The following APBB1 variants were observed in gnomAD, a reference collection of about 807,000 sequenced individuals.
The protein encoded by APBB1 is adaptor protein FE65a2.
In APBB1, 22 loss-of-function variants were observed where a neutral mutation model predicts 78.4. The observed-to-expected ratio is 0.28, with a 90% CI of 0.20 to 0.40. APBB1 has a LOEUF of 0.40. Ranked by LOEUF, APBB1 falls within the 10% of genes least tolerant of loss-of-function variation. APBB1 has a pLI of 1.00. For synonymous variants in APBB1, 369 were observed against 372.7 expected (o/e 0.99, Z 0.12); for missense variants, 749 against 932.4 (o/e 0.80, Z 2.56).
chr11:6,413,958 T>G (rs1214432752), intron 1 of APBB1, among the ~76,000 whole-genome samples: 2 of 152,126 alleles, frequency 1.3e-5, no homozygotes, highest in East Asian at 3.9e-4. Context: ...AAAAAATAGC[T>G]CTACCTCCTC....
rs1195363633 is a variant in APBB1 at position 6,411,186 on chromosome 11, C to T, written c.162G>A (p.Met54Ile). ...AVGPKDLRSA[M>I]GEGGGPEPGP... ...CTGGCTCAGGCCCACCACCCTCCCC[C>T]ATGGCGCTGCGCAGGTCCTTGGGTC... The change falls in exon 2 of 15, where the codon ATG (methionine) becomes ATA (isoleucine). Residue 54 changes from methionine to isoleucine, a missense_variant. Met to Ile is a conservative substitution (Grantham distance 10). Around this residue, in one of 3 missense-constraint regions of APBB1, gnomAD observed 635 missense variants for 765.0 expected, o/e 0.83. Coordinates refer to ENST00000609360, the MANE Select transcript of APBB1 (RefSeq NM_001164.5). The surrounding 1 kb of genome is among the most constrained non-coding windows in gnomAD (Gnocchi z 5.2). The T allele has an allele frequency of 1.2e-6, 2 of 1,608,058 alleles. No individual in the cohort carries two copies. The highest frequency in any genetic ancestry group is 2.2e-5 in the East Asian group (1 of 44,864).
At chr11:6,408,507 CTT>C (rs564293712) in intron 2 of APBB1, among the ~76,000 whole-genome samples, 7 of 142,254 alleles carry the variant, frequency 4.9e-5, no homozygotes, top group Admixed American at 1.4e-4. Context: ...TTTTTTCCTT[CTT>C]TTTTTTTTTT....
chr11:6,412,993 C>T (rs1174596615), intron 1 of APBB1, among the ~76,000 whole-genome samples: 1 of 152,088 alleles, frequency 6.6e-6, no homozygotes, highest in Non-Finnish European at 1.5e-5. Context: ...ATCCTTCCAG[C>T]CCGCCACCCA....
intron 2 of APBB1, among the ~76,000 whole-genome samples, chr11:6,404,254 A>C (rs1848684822): frequency 4.6e-5 from 7 of 152,204 alleles, no homozygotes; most frequent in Admixed American, 4.6e-4. Context: ...GCAGCCACAA[A>C]CACCAGGGTA....
Position 6,401,287 on chromosome 11 carries a change from G to A in APBB1, c.1588+58C>T, listed in dbSNP as rs765207740. On this transcript the variant is annotated intron_variant, in intron 11 of 14. Transcript: ENST00000609360. The surrounding 1 kb of genome is among the most constrained non-coding windows in gnomAD (Gnocchi z 4.5). ...TGTCCAGGAGCTCATGCCTTTCCTT[G>A]GGTCACCCACCTTTGCCAACAAAGC... 1 of 1,613,788 alleles carries A rather than the reference G, an allele frequency of 6.2e-7. No homozygotes were observed.
At chr11:6,402,549 C>A (rs763680563) in intron 7 of APBB1, 27 bp downstream of exon 7, 1 of 1,608,678 alleles carries the variant, frequency 6.2e-7, no homozygotes, top group East Asian at 2.2e-5. Context: ...CACAGTACCA[C>A]CCCCTACCCC....
chr11:6,401,978 T>G lies in APBB1; in HGVS notation c.1387A>C (p.Arg463=), dbSNP rs1280676304. 1.3e-6 allele frequency: 2 copies of G among 1,566,464 alleles called. No individual in the cohort carries two copies. The highest frequency in any genetic ancestry group is 2.4e-5 in the South Asian group (2 of 83,594). ...WGVGRDSGRE[R]DFAYVARDKL... ...GGAGGGGGAAAATAGGCATAGTACC[T>G]CTCTCTGGGTCCAGCAGCACAAGAG... is the stretch of plus-strand genomic sequence containing the variant. Residue 463 remains arginine (R), a splice_region_variant and synonymous_variant, in exon 9 of 15, where the codon AGG becomes CGG. Coordinates refer to ENST00000609360, the MANE Select transcript of APBB1 (RefSeq NM_001164.5). This position sits in a 1 kb window ranked among gnomAD's most constrained non-coding sequence, Gnocchi z 4.5.
intron 2 of APBB1, 37 bp downstream of exon 2, chr11:6,410,590 A>G (rs1444100223): frequency 2.0e-6 from 3 of 1,500,632 alleles, no homozygotes; most frequent in Non-Finnish European, 2.7e-6. Context: ...CTGCCCTCAC[A>G]CCCTCCCACA....
upstream of APBB1, chr11:6,419,110 G>A (rs1436542226): frequency 8.0e-6 from 3 of 375,994 alleles, no homozygotes; most frequent in Non-Finnish European, 1.4e-5. Flanking sequence ...GCCGCGCCCC[G>A]AGCGGCGGAG....
intron 2 of APBB1, among the ~76,000 whole-genome samples, chr11:6,408,319 AACG>A (rs1848869764): frequency 6.6e-6 from 1 of 151,474 alleles, no homozygotes; most frequent in Non-Finnish European, 1.5e-5. Context: ...AAACAACAAC[AACG>A]AAAAAAATAG....
chr11:6,397,796 C>A (rs1399472605), intron 12 of APBB1, among the ~76,000 whole-genome samples: 1 of 152,224 alleles, frequency 6.6e-6, no homozygotes, highest in East Asian at 1.9e-4. Flanking sequence ...AATTCTAACA[C>A]AGGGCTTATC....
rs75558891 is a variant in APBB1, at chr11:6,417,167, G to A, written c.-15+1818C>T. ...CTCAGTAGCCTTCTTCTGATTCCTCGAAGACATGTGTTTTCCTTCTACAAG... is the reference window on the plus strand; with the variant it reads ...CTCAGTAGCCTTCTTCTGATTCCTCAAAGACATGTGTTTTCCTTCTACAAG... On this transcript the variant is annotated intron_variant, in intron 1 of 14. Coordinates refer to ENST00000609360, the MANE Select transcript of APBB1 (RefSeq NM_001164.5). Among the ~76,000 whole-genome samples, 15 of 152,234 alleles carry A rather than the reference G, an allele frequency of 9.9e-5. No individual in the cohort carries two copies. The East Asian group carries it at 2.9e-3, about 29-fold the overall frequency.
rs1308172925 is a variant in APBB1, at chr11:6,401,276, T to C, written c.1588+69A>G. 2 of 1,613,598 alleles carry C rather than the reference T, an allele frequency of 1.2e-6. No homozygotes were observed. The highest frequency in any genetic ancestry group is 1.7e-6 in the Non-Finnish European group (2 of 1,179,776). ...TCTATCAGCGCTGTCCAGGAGCTCATGCCTTTCCTTGGGTCACCCACCTTT... is the reference window on the plus strand; with the variant it reads ...TCTATCAGCGCTGTCCAGGAGCTCACGCCTTTCCTTGGGTCACCCACCTTT... On this transcript the variant is annotated intron_variant, in intron 11 of 14. Coordinates refer to ENST00000609360, the MANE Select transcript of APBB1 (RefSeq NM_001164.5). The surrounding 1 kb of genome is among the most constrained non-coding windows in gnomAD (Gnocchi z 4.5).
chr11:6,403,585 T>C lies in APBB1; in HGVS notation c.898-41A>G, dbSNP rs1282912568. 1.9e-6 allele frequency: 3 copies of C among 1,613,806 alleles called. No individual in the cohort carries two copies. Among genetic ancestry groups the C allele is most frequent in the East Asian group, 4.5e-5 (2 of 44,872 alleles). On this transcript the variant is annotated intron_variant, in intron 3 of 14. Transcript: ENST00000609360. This position sits in a 1 kb window ranked among gnomAD's most constrained non-coding sequence, Gnocchi z 5.3. The stretch of plus-strand genomic sequence containing the variant: ...GGAGTAGTGAGTGAGTGTCCTATCC[T>C]ACTCCAGCAGCACACACTCCCTCCA...
chr11:6,406,148 G>A (rs1848792137), intron 2 of APBB1, among the ~76,000 whole-genome samples: 1 of 152,146 alleles, frequency 6.6e-6, no homozygotes, highest in African/African-American at 2.4e-5. Flanking sequence ...GCCCACCCCG[G>A]CCTTTGCTTT....
At chr11:6,416,166 A>G (rs1400269563) in intron 1 of APBB1, among the ~76,000 whole-genome samples, 1 of 151,952 alleles carries the variant, frequency 6.6e-6, no homozygotes, top group African/African-American at 2.4e-5. Flanking sequence ...TCCAGCCTCT[A>G]TCCGGGGCCT....
At chr11:6,402,886 G>T in intron 6 of APBB1, 161 bp from the exon 7 acceptor site, 1 of 938,790 alleles carries the variant, frequency 1.1e-6, no homozygotes, top group Non-Finnish European at 1.6e-6. Flanking sequence ...TAGGGTGAGG[G>T]AGATGTCAGA....
At chr11:6,418,258 A>C (rs535515112) in intron 1 of APBB1, among the ~76,000 whole-genome samples, 4 of 152,216 alleles carry the variant, frequency 2.6e-5, no homozygotes, top group African/African-American at 9.6e-5. Context: ...AGGAGATAAC[A>C]GTGTCCACTG....
At position 6,401,905 on chromosome 11, in the gene APBB1, G is replaced by A. The variant is rs752919591; in HGVS notation, c.1388+72C>T. 15 of 1,548,322 alleles carry A rather than the reference G, an allele frequency of 9.7e-6. No individual in the cohort carries two copies. In the African/African-American group the frequency reaches 1.8e-4, roughly 18 times the overall value. ...GAGCATAGCGGGTGGGAAGGGGCAG[G>A]GCAGAAGAGGGGAGCTTGGGTGCTT... is the stretch of plus-strand genomic sequence containing the variant. On this transcript the variant is annotated intron_variant, in intron 9 of 14. Coordinates refer to ENST00000609360, the MANE Select transcript of APBB1 (RefSeq NM_001164.5). This position sits in a 1 kb window ranked among gnomAD's most constrained non-coding sequence, Gnocchi z 4.5.
Sources: gnomAD v4.1 joint callset for allele counts (sites outside exome capture counted in the v4.1 genomes callset) on GRCh38, gnomAD v4.1.1 for gene constraint, gnomAD v4.1.1 regional missense constraint, Gnocchi (gnomAD v3.1) non-coding constraint, MANE v1.5 for transcripts, NCBI Gene and HGNC (gene_info 2026-07-23, HGNC 2026-07-21) for gene names.